Variants in OTOGL observed in about 807,000 individuals in gnomAD.
OTOGL encodes otogelin-like protein.
A neutral mutation model predicts 318.5 loss-of-function variants in OTOGL; 285 were observed. That is an observed-to-expected ratio of 0.89 (90% confidence interval 0.81 to 0.99). OTOGL has a LOEUF of 0.99. Ranked by LOEUF, OTOGL falls within the 50% of genes least tolerant of loss-of-function variation. The pLI, the probability that OTOGL is intolerant of heterozygous loss-of-function variation, is 0.00. For synonymous variants in OTOGL, 987 were observed against 936.5 expected (o/e 1.05, Z -0.99); for missense variants, 2,899 against 2,845.6 (o/e 1.02, Z -0.43).
chr12:80,359,180 G>GA (rs1304846665), intron 52 of OTOGL, among the ~76,000 whole-genome samples: 1 of 151,990 alleles, frequency 6.6e-6, no homozygotes, highest in African/African-American at 2.4e-5. Context: ...GCAAAATATT[G>GA]AAAAAAATTA....
intron 29 of OTOGL, among the ~76,000 whole-genome samples, chr12:80,307,905 C>G (rs1886305000): frequency 7.4e-6 from 1 of 135,924 alleles, no homozygotes; most frequent in Non-Finnish European, 1.5e-5. Context: ...GACGGGGCGG[C>G]TGGCCGGGCG....
At chr12:80,275,239 A>G (rs1222235699) in intron 24 of OTOGL, among the ~76,000 whole-genome samples, 2 of 152,004 alleles carry the variant, frequency 1.3e-5, no homozygotes. Flanking sequence ...TCATGGGTAG[A>G]GGTCAAAATA....
At chr12:80,114,280 C>T (rs1386812745) in intron 1 of OTOGL, among the ~76,000 whole-genome samples, 1 of 152,050 alleles carries the variant, frequency 6.6e-6, no homozygotes, top group Non-Finnish European at 1.5e-5. Flanking sequence ...TTAGTGCTTC[C>T]TTCAGGAGCT....
rs1891372380 is a variant in OTOGL at position 80,379,920 on chromosome 12, A to G, written c.*1872A>G. On this transcript the variant is annotated 3_prime_UTR_variant, in exon 59 of 59. Coordinates refer to ENST00000547103, the MANE Select transcript of OTOGL (RefSeq NM_001378609.3). ...CTCCCTTAATTCTTAGAGTCTAGCA[A>G]GAAAGCAGGCCTTAAATAGCCATAC... 1 of 152,024 alleles carries G rather than the reference A, an allele frequency of 6.6e-6. No individual in the cohort carries two copies. The allele number at this position is 152,024 out of a possible 1,614,324, so 9.4% of individuals were successfully genotyped here. A position where few individuals can be genotyped will look rare whatever the true frequency, so the allele number is the denominator to read the frequency against.
chr12:80,373,426 G>A (rs1204572462), intron 57 of OTOGL, among the ~76,000 whole-genome samples: 1 of 151,356 alleles, frequency 6.6e-6, no homozygotes, highest in East Asian at 1.9e-4. Context: ...GCTAGACTCT[G>A]TCTCCAAAAC....
intron 37 of OTOGL, among the ~76,000 whole-genome samples, chr12:80,330,963 T>C (rs1021841718): frequency 1.3e-5 from 2 of 152,206 alleles, no homozygotes; most frequent in Admixed American, 6.5e-5. Context: ...TGAAACATTG[T>C]TGATAGAATT....
At chr12:80,344,762 A>T (rs1410860444) in intron 44 of OTOGL, among the ~76,000 whole-genome samples, 1 of 151,786 alleles carries the variant, frequency 6.6e-6, no homozygotes, top group Non-Finnish European at 1.5e-5. Flanking sequence ...TTTTAGAATC[A>T]TTTGGAAAGT....
At chr12:80,335,881 G>A in intron 38 of OTOGL, 82 bp from the exon 39 acceptor site, 2 of 1,258,400 alleles carry the variant, frequency 1.6e-6, no homozygotes, top group Non-Finnish European at 1.1e-6. Context: ...TACACCATGG[G>A]CAATATGAAT....
intron 55 of OTOGL, among the ~76,000 whole-genome samples, chr12:80,370,162 T>C (rs1202236897): frequency 2.6e-5 from 4 of 151,978 alleles, no homozygotes; most frequent in Non-Finnish European, 4.4e-5. Flanking sequence ...AGGAGGTATA[T>C]AAGTAATATG....
chr12:80,192,958 A>C (rs865928196), intron 1 of OTOGL, among the ~76,000 whole-genome samples: 13 of 152,040 alleles, frequency 8.6e-5, no homozygotes, highest in Admixed American at 2.0e-4. Context: ...TATCCTCTTC[A>C]TTCTTACATA....
rs200392453 is a variant in OTOGL at position 80,313,591 on chromosome 12, A to G, written c.3566A>G (p.Gln1189Arg). The G allele has an allele frequency of 6.8e-4, 1,102 of 1,613,040 alleles. 1 individual carries two copies. The highest frequency in any genetic ancestry group is 9.1e-4 in the Non-Finnish European group (1,073 of 1,179,262). Residue 1189 changes from glutamine to arginine, a missense_variant, in exon 31 of 59, where the codon CAG becomes CGG. Gln to Arg is a conservative substitution (Grantham distance 43, BLOSUM62 1). This residue lies in a region of OTOGL where 2,607 missense variants were observed against 2,524.9 expected (regional missense o/e 1.03). Transcript: ENST00000547103. ...SIAAYAYKCC[Q>R]EGISIHWRSS... The stretch of plus-strand genomic sequence containing the variant: ...GCTGCATATGCATACAAGTGTTGTC[A>G]GGAAGGAATATCAATTCATTGGAGA...
chr12:80,240,619 CAT>C (rs905459834), intron 11 of OTOGL, among the ~76,000 whole-genome samples: 8 of 150,266 alleles, frequency 5.3e-5, no homozygotes, highest in African/African-American at 1.5e-4. Context: ...ACATATGAGA[CAT>C]GTGACAAAGT....
At chr12:80,259,991 T>C (rs1377812530) in intron 18 of OTOGL, among the ~76,000 whole-genome samples, 1 of 152,088 alleles carries the variant, frequency 6.6e-6, no homozygotes, top group Non-Finnish European at 1.5e-5. Context: ...GCATTATCTA[T>C]GAAAATTTAT....
At chr12:80,126,339 G>T (rs55923443) in intron 1 of OTOGL, among the ~76,000 whole-genome samples, 231 of 152,234 alleles carry the variant, frequency 1.5e-3, no homozygotes, top group South Asian at 3.5e-3. Flanking sequence ...TTTCCATGTA[G>T]TTGAGCGGTT....
chr12:80,265,657 T>C (rs1317655484), intron 20 of OTOGL: 1 of 182,158 alleles, frequency 5.5e-6, no homozygotes, highest in African/African-American at 2.4e-5. Context: ...TTTTCATTCA[T>C]GGTAGATTGT....
chr12:80,173,184 T>TA (rs1257584985), intron 1 of OTOGL, among the ~76,000 whole-genome samples: 1 of 150,930 alleles, frequency 6.6e-6, no homozygotes, highest in Non-Finnish European at 1.5e-5. Flanking sequence ...TTTTTTTTTT[T>TA]ATAAAGGGAG....
At chr12:80,135,534 A>G (rs890583587) in intron 1 of OTOGL, among the ~76,000 whole-genome samples, 30 of 151,926 alleles carry the variant, frequency 2.0e-4, no homozygotes, top group African/African-American at 7.3e-4. Flanking sequence ...TGGCCTCCCA[A>G]AGCACTGGGA....
At chr12:80,186,345 G>T (rs1386475908) in intron 1 of OTOGL, among the ~76,000 whole-genome samples, 1 of 151,926 alleles carries the variant, frequency 6.6e-6, no homozygotes, top group South Asian at 2.1e-4. Context: ...TCTCCCATCA[G>T]GTGTCATCTT....
At chr12:80,347,659 A>G (rs756001592) in intron 44 of OTOGL, among the ~76,000 whole-genome samples, 1 of 152,002 alleles carries the variant, frequency 6.6e-6, no homozygotes, top group South Asian at 2.1e-4. Context: ...TGCTGGGTCA[A>G]ATGGTATTTC....
Sources: allele counts gnomAD v4.1 joint callset (sites outside exome capture counted in the v4.1 genomes callset), GRCh38; gene constraint gnomAD v4.1.1; regional missense constraint gnomAD v4.1.1; transcripts MANE v1.5; gene names NCBI Gene and HGNC (gene_info 2026-07-23, HGNC 2026-07-21).